Variants in MTG1 observed in about 807,000 individuals in gnomAD.
MTG1 encodes the protein mitochondrial ribosome associated GTPase 1.
In MTG1, 30 loss-of-function variants were observed where a neutral mutation model predicts 39.5. The ratio of observed to expected loss-of-function variants is 0.76; its 90% CI spans 0.57 to 1.03. The LOEUF (loss-of-function observed/expected upper bound fraction) is 1.03, where lower values mean the gene tolerates loss of function less well. Among genes scored for constraint, MTG1 ranks in the 50% least tolerant of loss-of-function variants. The pLI is 0.00. For missense variants in MTG1, 513 were observed against 447.4 expected (o/e 1.15, Z -1.32); for synonymous variants, 217 against 179.0 (o/e 1.21, Z -1.69).
intron 9 of MTG1, among the ~76,000 whole-genome samples, chr10:133,414,893 C>G (rs902972095): frequency 6.6e-6 from 1 of 152,254 alleles, no homozygotes; most frequent in Non-Finnish European, 1.5e-5. Context: ...ACTGAGTGAA[C>G]GAGACTCCGT....
intron 1 of MTG1, chr10:133,394,826 A>G (rs1849756664): frequency 4.7e-6 from 4 of 846,520 alleles, no homozygotes; most frequent in Non-Finnish European, 5.7e-6. Context: ...TTCGGCCCCA[A>G]GAAGACCTCT....
intron 9 of MTG1, among the ~76,000 whole-genome samples, chr10:133,405,308 T>C (rs2133501697): frequency 6.6e-6 from 1 of 152,362 alleles, no homozygotes; most frequent in South Asian, 2.1e-4. Context: ...AGGGTACCTA[T>C]GATATTTTGA....
At chr10:133,399,966 G>A (rs1849849237) in intron 6 of MTG1, among the ~76,000 whole-genome samples, 1 of 152,190 alleles carries the variant, frequency 6.6e-6, no homozygotes, top group African/African-American at 2.4e-5. Context: ...GCCGAGGCGG[G>A]CGGATCATGA....
chr10:133,409,624 C>T (rs922869955), intron 9 of MTG1, among the ~76,000 whole-genome samples: 26 of 152,154 alleles, frequency 1.7e-4, no homozygotes, highest in African/African-American at 6.0e-4. Flanking sequence ...GGTGTTGAAG[C>T]CCCCTACTAT....
At chr10:133,414,060 C>T (rs1459837920) in intron 9 of MTG1, among the ~76,000 whole-genome samples, 6 of 148,946 alleles carry the variant, frequency 4.0e-5, no homozygotes, top group East Asian at 2.0e-4. Flanking sequence ...GAGGACCCTG[C>T]GACCTTCCGC....
chr10:133,395,083 G>C (rs1468746358), intron 1 of MTG1, among the ~76,000 whole-genome samples: 2 of 152,192 alleles, frequency 1.3e-5, no homozygotes, highest in Admixed American at 6.5e-5. Flanking sequence ...GTGTTACTCT[G>C]TGTTATAGCC....
Position 133,396,210 on chromosome 10 carries a change from T to G in MTG1, c.225T>G (p.Leu75=). ...RNPLFQETLG[L]KPHLLVLNKM... is the part of the protein sequence containing the mutation. ...CTCTGTTTCAGGAAACCCTTGGGCT[T>G]AAGCCTCACTTGCTGGTCCTCAACA... The change falls in exon 3 of 11, where the codon CTT becomes CTG. Residue 75 remains leucine, a synonymous_variant. Coordinates refer to ENST00000317502, the MANE Select transcript of MTG1 (RefSeq NM_138384.4). The G allele has an allele frequency of 6.2e-7, 1 of 1,614,218 alleles. No individual in the cohort carries two copies. Among genetic ancestry groups the G allele is most frequent in the African/African-American group, 1.3e-5 (1 of 75,058 alleles).
intron 9 of MTG1, among the ~76,000 whole-genome samples, chr10:133,412,909 G>A (rs1320620141): frequency 6.6e-6 from 1 of 152,170 alleles, no homozygotes; most frequent in Non-Finnish European, 1.5e-5. Context: ...ATTTCCCACT[G>A]TAACTGAATT....
At chr10:133,401,640 C>A in intron 7 of MTG1, 50 bp downstream of exon 7, 1 of 1,563,038 alleles carries the variant, frequency 6.4e-7, no homozygotes, top group Non-Finnish European at 8.8e-7. Flanking sequence ...GCTCTGCAGG[C>A]GTCTGGCACC....
In MTG1 at chr10:133,418,009, C is replaced by CT. The variant is rs199584492; in HGVS notation, c.753-1463dup. Among the ~76,000 whole-genome samples the CT allele has an allele frequency of 2.7e-3, 405 of 151,962 alleles. 1 individual carries two copies. Among genetic ancestry groups the CT allele is most frequent in the Non-Finnish European group, 3.7e-3 (251 of 67,934 alleles). On this transcript the variant is annotated intron_variant, in intron 9 of 10. Coordinates refer to ENST00000317502, the MANE Select transcript of MTG1 (RefSeq NM_138384.4). ...AAGCTACCAATGACTTTCTTTTTTT[C>CT]TTTTTTTTGAGATGGCATCTCACTC...
chr10:133,416,805 G>A (rs1410243471), intron 9 of MTG1, among the ~76,000 whole-genome samples: 1 of 149,234 alleles, frequency 6.7e-6, no homozygotes, highest in Admixed American at 6.8e-5. Flanking sequence ...GTCTATTATT[G>A]TTGGACATTT....
chr10:133,411,072 C>T (rs1850039116), intron 9 of MTG1, among the ~76,000 whole-genome samples: 1 of 152,308 alleles, frequency 6.6e-6, no homozygotes, highest in Non-Finnish European at 1.5e-5. Flanking sequence ...TTATACTTCA[C>T]ATGTTTTCTT....
At position 133,421,096 on chromosome 10, in the gene MTG1, T is replaced by C. The variant is rs891400711; in HGVS notation, c.*931T>C. 1.3e-5 allele frequency: 2 copies of C among 152,420 alleles called. No homozygotes were observed. The highest frequency in any genetic ancestry group is 2.9e-5 in the Non-Finnish European group (2 of 68,220). 9.4% of individuals were successfully genotyped at this position (152,420 alleles called of 1,614,324 possible). On this transcript the variant is annotated 3_prime_UTR_variant, in exon 11 of 11. Transcript: ENST00000317502. ...AGCTCCGGCTGCCTCTTTGCGGTGG[T>C]GGCCTGACCGTCCCACAGCAGCCTC...
At position 133,402,569 on chromosome 10, in the gene MTG1, A is replaced by C. The variant is rs1849899036; in HGVS notation, c.671-123A>C. ...CGTCCTCTTGGTTAGTGTCTTTGTC[A>C]GTGGCTGGCCTCTTCCTCACGGCAC... On this transcript the variant is annotated intron_variant, in intron 8 of 10. Coordinates refer to ENST00000317502, the MANE Select transcript of MTG1 (RefSeq NM_138384.4). The surrounding 1 kb of genome is among the most constrained non-coding windows in gnomAD (Gnocchi z 4.7). 2 of 898,400 alleles carry C rather than the reference A, an allele frequency of 2.2e-6. No individual in the cohort carries two copies. Among genetic ancestry groups the C allele is most frequent in the African/African-American group, 3.3e-5 (2 of 59,934 alleles). 55.7% of individuals were successfully genotyped at this position (898,400 alleles called of 1,614,324 possible).
chr10:133,409,187 C>T (rs970533321), intron 9 of MTG1, among the ~76,000 whole-genome samples: 2 of 151,874 alleles, frequency 1.3e-5, no homozygotes, highest in African/African-American at 4.8e-5. Context: ...CTATAAACTT[C>T]CGTCTTAGCA....
intron 9 of MTG1, among the ~76,000 whole-genome samples, chr10:133,414,578 G>T (rs1317829741): frequency 1.3e-5 from 2 of 151,906 alleles, no homozygotes; most frequent in Non-Finnish European, 2.9e-5. Context: ...GGGCGGCGGG[G>T]CAGAGACACT....
At position 133,396,202 on chromosome 10, in the gene MTG1, C is replaced by A. The variant is rs199981588; in HGVS notation, c.217C>A (p.Leu73Ile). 6.2e-7 allele frequency: 1 copy of A among 1,614,184 alleles called. No individual in the cohort carries two copies. Among genetic ancestry groups the A allele is most frequent in the East Asian group, 2.2e-5 (1 of 44,884 alleles). ...CCGCAACCCTCTGTTTCAGGAAACCCTTGGGCTTAAGCCTCACTTGCTGGT... is the reference window on the plus strand; with the variant it reads ...CCGCAACCCTCTGTTTCAGGAAACCATTGGGCTTAAGCCTCACTTGCTGGT... Reference protein sequence around the residue: ...SGRNPLFQETLGLKPHLLVLN... With the variant: ...SGRNPLFQETIGLKPHLLVLN... Residue 73 changes from leucine (L) to isoleucine (I), a missense_variant, in exon 3 of 11, where the codon CTT becomes ATT. By Grantham distance (5) the Leu-to-Ile change is conservative (BLOSUM62 2). Transcript: ENST00000317502.
chr10:133,403,626 C>G (rs936751210), intron 9 of MTG1, among the ~76,000 whole-genome samples: 1 of 152,206 alleles, frequency 6.6e-6, no homozygotes, highest in African/African-American at 2.4e-5. Flanking sequence ...TTTTTGTTGC[C>G]AGGCGGTTTC....
intron 9 of MTG1, among the ~76,000 whole-genome samples, chr10:133,414,570 G>A (rs1850093692): frequency 2.0e-5 from 3 of 151,818 alleles, no homozygotes; most frequent in East Asian, 2.0e-4. Context: ...CAGACGATGG[G>A]CGGCGGGGCA....
Sources: gnomAD v4.1 joint callset for allele counts (sites outside exome capture counted in the v4.1 genomes callset) on GRCh38, gnomAD v4.1.1 for gene constraint, Gnocchi (gnomAD v3.1) non-coding constraint, MANE v1.5 for transcripts, NCBI Gene and HGNC (gene_info 2026-07-23, HGNC 2026-07-21) for gene names.